Variants in SYNE1 observed in about 807,000 individuals in gnomAD.
SYNE1 encodes the protein spectrin repeat containing nuclear envelope protein 1, also known as nesprin-1.
Under a neutral mutation model 1,111.0 loss-of-function variants are expected in SYNE1, and 616 were observed. That is an observed-to-expected ratio of 0.55 (90% CI 0.52 to 0.59). The LOEUF (loss-of-function observed/expected upper bound fraction) is 0.59. Among genes scored for constraint, SYNE1 ranks in the 20% least tolerant of loss-of-function variants. The pLI is 0.00. For missense variants in SYNE1, 10,006 were observed against 10,417.0 expected, an observed-to-expected ratio of 0.96 and a Z score of 1.72; for synonymous variants, 3,855 against 3,825.8, an observed-to-expected ratio of 1.01 and a Z score of -0.28.
Position 152,350,789 on chromosome 6 carries a change from A to G in SYNE1, c.11581-19T>C, listed in dbSNP as rs1193068464. On this transcript the variant is annotated intron_variant, in intron 70 of 145. Transcript: ENST00000367255. Reference sequence around the variant, plus strand: ...GAAGTGACTTGAATTACAAAGAAAAAAAAATGAGCCTGCTCATCTCCGTGG... The same window carrying G: ...GAAGTGACTTGAATTACAAAGAAAAGAAAATGAGCCTGCTCATCTCCGTGG... 6.2e-7 allele frequency: 1 copy of G among 1,613,648 alleles called. No individual in the cohort carries two copies. Among genetic ancestry groups the G allele is most frequent in the African/African-American group, 1.3e-5 (1 of 74,810 alleles).
At chr6:152,597,621 A>C (rs370575683) in intron 3 of SYNE1, among the ~76,000 whole-genome samples, 1 of 152,154 alleles carries the variant, frequency 6.6e-6, no homozygotes. Context: ...CTGTGTTCAG[A>C]ATGAGTGAGC....
intron 97 of SYNE1, among the ~76,000 whole-genome samples, chr6:152,280,141 G>A (rs369478771): frequency 1.3e-5 from 2 of 152,226 alleles, no homozygotes; most frequent in East Asian, 3.9e-4. Context: ...CCAATTCTGT[G>A]TAATAGTCAC....
intron 86 of SYNE1, among the ~76,000 whole-genome samples, chr6:152,317,789 G>A (rs1295660711): frequency 6.6e-6 from 1 of 152,026 alleles, no homozygotes; most frequent in Non-Finnish European, 1.5e-5. Context: ...CACGTTAATG[G>A]GTGAATATTC....
At chr6:152,557,369 A>C (rs576048271) in intron 3 of SYNE1, among the ~76,000 whole-genome samples, 1 of 152,264 alleles carries the variant, frequency 6.6e-6, no homozygotes, top group Admixed American at 6.5e-5. Context: ...CAGAGGAAGC[A>C]GAGATGGAGA....
chr6:152,180,512 G>C (rs1278881728), intron 128 of SYNE1, among the ~76,000 whole-genome samples: 1 of 152,212 alleles, frequency 6.6e-6, no homozygotes, highest in African/African-American at 2.4e-5. Context: ...CTTATTAAAG[G>C]TTCTGGATAA....
intron 29 of SYNE1, 47 bp from the exon 30 acceptor site, chr6:152,444,625 T>C: frequency 6.5e-7 from 1 of 1,549,462 alleles, no homozygotes; most frequent in Non-Finnish European, 8.8e-7. Flanking sequence ...ATGCTACTTG[T>C]TGAAGTTTGT....
intron 137 of SYNE1, chr6:152,147,807 C>T: frequency 5.9e-6 from 3 of 512,240 alleles, no homozygotes; most frequent in Non-Finnish European, 1.1e-5. Flanking sequence ...AACTGTGTAT[C>T]CCTAGAACCT....
At chr6:152,295,998 A>T (rs547190747) in intron 93 of SYNE1, among the ~76,000 whole-genome samples, 1 of 152,290 alleles carries the variant, frequency 6.6e-6, no homozygotes, top group South Asian at 2.1e-4. Context: ...CACAGGCTCC[A>T]TCCTAATTTC....
intron 116 of SYNE1, 47 bp from the exon 117 acceptor site, chr6:152,224,711 T>C (rs1354503049): frequency 3.2e-6 from 5 of 1,558,966 alleles, no homozygotes; most frequent in South Asian, 1.1e-5. Flanking sequence ...ATATCTAGAA[T>C]GATGGAATAT....
At chr6:152,123,439 A>G (rs2813559) in intron 145 of SYNE1, among the ~76,000 whole-genome samples, 35,312 of 152,106 alleles carry the variant, frequency 0.23, 4,260 homozygotes, top group African/African-American at 0.3. Context: ...TCTACACTCA[A>G]AGTGACAAGT....
At chr6:152,612,797 C>A (rs141168581) in intron 3 of SYNE1, among the ~76,000 whole-genome samples, 112 of 152,296 alleles carry the variant, frequency 7.4e-4, no homozygotes, top group African/African-American at 2.7e-3. Flanking sequence ...AGCTTATCCA[C>A]CATGATCAAG....
At chr6:152,176,242 C>T in intron 130 of SYNE1, 152 bp downstream of exon 130, 1 of 1,025,300 alleles carries the variant, frequency 9.8e-7, no homozygotes, top group Non-Finnish European at 1.5e-6. Context: ...ACTAAAGTGC[C>T]ACTTATGAGA....
At chr6:152,395,895 G>T (rs957984059) in intron 50 of SYNE1, among the ~76,000 whole-genome samples, 1 of 152,166 alleles carries the variant, frequency 6.6e-6, no homozygotes, top group South Asian at 2.1e-4. Flanking sequence ...AGCAGGAAAA[G>T]AATCATCTCA....
chr6:152,563,091 C>T (rs143908092), intron 3 of SYNE1, among the ~76,000 whole-genome samples: 367 of 151,862 alleles, frequency 2.4e-3, no homozygotes, highest in African/African-American at 8.4e-3. Context: ...GAGAAAGAGA[C>T]GGAGAAACAC....
At chr6:152,444,641 T>G in intron 29 of SYNE1, 63 bp from the exon 30 acceptor site, 1 of 1,499,880 alleles carries the variant, frequency 6.7e-7, no homozygotes, top group Non-Finnish European at 9.0e-7. Flanking sequence ...TTTGTATAAT[T>G]TTTTTGGTAA....
At chr6:152,219,493 G>GAAAAAAA (rs34187904) in intron 119 of SYNE1, among the ~76,000 whole-genome samples, 1 of 132,980 alleles carries the variant, frequency 7.5e-6, no homozygotes, top group Non-Finnish European at 1.6e-5. Flanking sequence ...ACATAAACAA[G>GAAAAAAA]AAAAAAAAAA....
At chr6:152,247,494 G>A (rs1297257038) in intron 105 of SYNE1, among the ~76,000 whole-genome samples, 2 of 151,326 alleles carry the variant, frequency 1.3e-5, no homozygotes, top group African/African-American at 2.4e-5. Context: ...TACATTATAA[G>A]CCAAGAAAAA....
chr6:152,230,611 C>T lies in SYNE1; in HGVS notation c.21131G>A (p.Arg7044Lys), dbSNP rs1334310432. 5.0e-6 allele frequency: 8 copies of T among 1,614,068 alleles called. No homozygotes were observed. The highest frequency in any genetic ancestry group is 1.1e-5 in the South Asian group (1 of 91,080). The change falls in exon 115 of 146, where the codon AGA becomes AAA. Residue 7044 changes from arginine to lysine, a missense_variant. By Grantham distance (26) the Arg-to-Lys change is conservative. Around this residue, in one of 7 missense-constraint regions of SYNE1, gnomAD observed 2,182 missense variants for 2,287.8 expected, o/e 0.95. Transcript: ENST00000367255. Reference protein sequence around the residue: ...LKTWFETQEKRLKQQHRIGDQ... With the variant: ...LKTWFETQEKKLKQQHRIGDQ... ...TCCAATTCGATGCTGTTGTTTTAGT[C>T]TCTTTTCCTGGGTTTCAAACCATGT...
rs760023715 is a variant in SYNE1 at position 152,269,200 on chromosome 6, G to A, written c.18660C>T (p.Arg6220=). ...TCTGCCGCTGCTGGGTCCATGTGGT[G>A]CGAGCTTGGGCCAGCCATTCCTGGA... ...PGVQEWLAQA[R]TTWTQQRQSS... Residue 6220 remains arginine (R), a synonymous_variant, in exon 99 of 146, where the codon CGC becomes CGT. Coordinates refer to ENST00000367255, the MANE Select transcript of SYNE1 (RefSeq NM_182961.4). 1.1e-5 allele frequency: 17 copies of A among 1,614,166 alleles called. 1 individual carries two copies. In the South Asian group the frequency reaches 1.6e-4, roughly 16 times the overall value.
Sources: gnomAD v4.1 joint callset for allele counts (sites outside exome capture counted in the v4.1 genomes callset) on GRCh38, gnomAD v4.1.1 for gene constraint, gnomAD v4.1.1 regional missense constraint, MANE v1.5 for transcripts, NCBI Gene and HGNC (gene_info 2026-07-23, HGNC 2026-07-21) for gene names.